Variants in WNT3A observed in about 807,000 individuals in gnomAD.
WNT3A encodes the protein protein Wnt-3a.
Under a neutral mutation model 37.0 loss-of-function variants are expected in WNT3A, and 17 were observed. The observed-to-expected ratio is 0.46, with a 90% CI of 0.31 to 0.69. The LOEUF is 0.69. Among genes scored for constraint, WNT3A ranks in the 30% least tolerant of loss-of-function variants. The pLI is 0.05. For synonymous variants in WNT3A, 187 were observed against 211.0 expected (o/e 0.89, Z 0.99); for missense variants, 411 against 510.2 (o/e 0.81, Z 1.87).
chr1:228,015,973 G>T (rs908661852), intron 1 of WNT3A, among the ~76,000 whole-genome samples: 3 of 152,126 alleles, frequency 2.0e-5, no homozygotes, highest in African/African-American at 7.2e-5. Flanking sequence ...CCATGAGCAG[G>T]CAGGAGCCAC....
chr1:228,045,221 G>A (rs1023732181), intron 2 of WNT3A, among the ~76,000 whole-genome samples: 5 of 152,228 alleles, frequency 3.3e-5, no homozygotes, highest in African/African-American at 1.2e-4. Flanking sequence ...TCAGGCTCTG[G>A]TTCTCCTCTT....
chr1:228,060,164 T>G lies in WNT3A; in HGVS notation c.*699T>G, dbSNP rs2031773072. On this transcript the variant is annotated 3_prime_UTR_variant, in exon 4 of 4. Coordinates refer to ENST00000284523, the MANE Select transcript of WNT3A (RefSeq NM_033131.4). ...TCTCTCCGCGGGTGGGACTCTTCCC[T>G]GGGAACCGCCCTCCTGATTAAGGCG... 1 of 1,350,646 alleles carries G rather than the reference T, an allele frequency of 7.4e-7. No homozygotes were observed. Among genetic ancestry groups the G allele is most frequent in the Non-Finnish European group, 9.8e-7 (1 of 1,021,008 alleles). The allele number at this position is 1,350,646 out of a possible 1,614,324, so 83.7% of individuals were successfully genotyped here. A position where few individuals can be genotyped will look rare whatever the true frequency, so the allele number is the denominator to read the frequency against.
intron 2 of WNT3A, among the ~76,000 whole-genome samples, chr1:228,036,378 T>A (rs1235945000): frequency 2.5e-5 from 3 of 118,074 alleles, no homozygotes; most frequent in African/African-American, 1.1e-4. Flanking sequence ...TGCATGTGCA[T>A]GTGTGTGTGT....
intron 1 of WNT3A, among the ~76,000 whole-genome samples, chr1:228,017,259 G>A (rs1423189806): frequency 2.6e-5 from 4 of 152,186 alleles, no homozygotes; most frequent in Admixed American, 6.5e-5. Flanking sequence ...TGCCCAGCAG[G>A]TGGAGGCCAG....
chr1:228,028,198 T>C (rs920369692), intron 2 of WNT3A, among the ~76,000 whole-genome samples: 2 of 152,140 alleles, frequency 1.3e-5, no homozygotes, highest in African/African-American at 4.8e-5. Flanking sequence ...AATTTGAAGT[T>C]TGCTTCAAAT....
Position 228,008,262 on chromosome 1 carries a change from C to T in WNT3A, c.71+1063C>T, listed in dbSNP as rs2030262595. ...CCACAGTTGGAGAGAAGCCTCCCCACAAGCATGCACACTCCCCCCCATCCT... is the reference window on the plus strand; with the variant it reads ...CCACAGTTGGAGAGAAGCCTCCCCATAAGCATGCACACTCCCCCCCATCCT... On this transcript the variant is annotated intron_variant, in intron 1 of 3. Transcript: ENST00000284523. This position sits in a 1 kb window ranked among gnomAD's most constrained non-coding sequence, Gnocchi z 4.9. Among the ~76,000 whole-genome samples, 1 of 152,200 alleles carries T rather than the reference C, an allele frequency of 6.6e-6. No individual in the cohort carries two copies. The highest frequency in any genetic ancestry group is 1.5e-5 in the Non-Finnish European group (1 of 68,032).
At position 228,059,378 on chromosome 1, in the gene WNT3A, G is replaced by A; in HGVS notation, c.972G>A (p.Arg324=). 1 of 1,562,362 alleles carries A rather than the reference G, an allele frequency of 6.4e-7. No homozygotes were observed. The highest frequency in any genetic ancestry group is 8.6e-7 in the Non-Finnish European group (1 of 1,158,170). Residue 324 remains arginine (R), a synonymous_variant, in exon 4 of 4, where the codon CGG becomes CGA. Coordinates refer to ENST00000284523, the MANE Select transcript of WNT3A (RefSeq NM_033131.4). ...ACAACGCGCGAGCGGAGCGGCGCCG[G>A]GAGAAGTGCCGCTGCGTGTTCCACT... ...RGHNARAERR[R]EKCRCVFHWC...
At chr1:228,032,933 T>C (rs569191107) in intron 2 of WNT3A, among the ~76,000 whole-genome samples, 1 of 152,380 alleles carries the variant, frequency 6.6e-6, no homozygotes, top group Non-Finnish European at 1.5e-5. Context: ...TCTAAGGATG[T>C]TGAGCATCTT....
At chr1:228,058,671 T>C (rs2031729354) in intron 3 of WNT3A, among the ~76,000 whole-genome samples, 1 of 152,212 alleles carries the variant, frequency 6.6e-6, no homozygotes, top group Non-Finnish European at 1.5e-5. Context: ...CTGTGGCTCT[T>C]CGTGTATGGC....
At chr1:228,058,196 G>A (rs921062396) in intron 3 of WNT3A, among the ~76,000 whole-genome samples, 2 of 152,220 alleles carry the variant, frequency 1.3e-5, no homozygotes, top group South Asian at 2.1e-4. Context: ...TGAATGAGCT[G>A]TTTCTCATCC....
chr1:228,029,750 C>G (rs945335743), intron 2 of WNT3A, among the ~76,000 whole-genome samples: 7 of 150,888 alleles, frequency 4.6e-5, no homozygotes, highest in African/African-American at 1.2e-4. Flanking sequence ...ACCCCCCCCC[C>G]AATTCCTACA....
chr1:228,024,438 A>T (rs1354811060), intron 2 of WNT3A, among the ~76,000 whole-genome samples: 1 of 152,198 alleles, frequency 6.6e-6, no homozygotes, highest in African/African-American at 2.4e-5. Flanking sequence ...GCACCATTTC[A>T]TGGGCTTTGG....
At chr1:228,015,017 C>CAAAA (rs2030485228) in intron 1 of WNT3A, among the ~76,000 whole-genome samples, 1 of 152,196 alleles carries the variant, frequency 6.6e-6, no homozygotes, top group South Asian at 2.1e-4. Flanking sequence ...AGGAAAAAAA[C>CAAAA]AAAACAAAAC....
At chr1:228,024,930 T>C (rs1175940359) in intron 2 of WNT3A, among the ~76,000 whole-genome samples, 1 of 152,218 alleles carries the variant, frequency 6.6e-6, no homozygotes, top group Non-Finnish European at 1.5e-5. Flanking sequence ...GGCACCCTTG[T>C]TGAAAATCAA....
intron 2 of WNT3A, among the ~76,000 whole-genome samples, chr1:228,025,923 ATT>A (rs36103582): frequency 0.015 from 2,044 of 132,854 alleles, 22 homozygotes; most frequent in Middle Eastern, 0.027. Context: ...AATTTTTTGT[ATT>A]TTTTTTTTTT....
rs2102772732 is a variant in WNT3A, at chr1:228,038,590, C to T, written c.314-12066C>T. ...TCACTCAGCCAGCCCCTTCCAGCAG[C>T]TGTGGCGTGAGCAGGCAGGAGATGG... On this transcript the variant is annotated intron_variant, in intron 2 of 3. Transcript: ENST00000284523. This position sits in a 1 kb window ranked among gnomAD's most constrained non-coding sequence, Gnocchi z 5.7. Among the ~76,000 whole-genome samples the T allele has an allele frequency of 6.6e-6, 1 of 152,304 alleles. No homozygotes were observed.
intron 3 of WNT3A, among the ~76,000 whole-genome samples, chr1:228,056,176 A>G (rs2031680760): frequency 6.6e-6 from 1 of 152,244 alleles, no homozygotes. Context: ...TCTCCCATGT[A>G]CAGGAACTTC....
intron 1 of WNT3A, among the ~76,000 whole-genome samples, chr1:228,016,500 G>A (rs927860214): frequency 3.3e-5 from 5 of 152,124 alleles, no homozygotes; most frequent in Admixed American, 6.5e-5. Flanking sequence ...TGGAAAGGGG[G>A]CTGCATTGGG....
intron 3 of WNT3A, among the ~76,000 whole-genome samples, chr1:228,056,288 A>G (rs1357253413): frequency 1.3e-5 from 2 of 152,262 alleles, no homozygotes; most frequent in Admixed American, 1.3e-4. Context: ...AAAGTCCAAA[A>G]CAAACAAACT....
Sources: allele counts gnomAD v4.1 joint callset (sites outside exome capture counted in the v4.1 genomes callset), GRCh38; gene constraint gnomAD v4.1.1; non-coding constraint Gnocchi (gnomAD v3.1); transcripts MANE v1.5; gene names NCBI Gene and HGNC (gene_info 2026-07-23, HGNC 2026-07-21).